The following INPP4B variants were observed in gnomAD, a reference collection of about 807,000 sequenced individuals.
INPP4B encodes inositol polyphosphate-4-phosphatase type II B.
INPP4B carries 55 observed loss-of-function variants against 122.5 expected under a neutral mutation model. The observed-to-expected ratio is 0.45, with a 90% CI of 0.36 to 0.56. The LOEUF (loss-of-function observed/expected upper bound fraction) is 0.56. INPP4B is among the 20% of genes least tolerant of loss of function. The probability of loss-of-function intolerance (pLI) is 0.00; values close to 1 mark genes in which losing one functional copy is unlikely to be tolerated. For missense variants in INPP4B, 1,000 were observed against 1,097.7 expected (o/e 0.91, Z 1.26); for synonymous variants, 403 against 388.7 (o/e 1.04, Z -0.43).
In INPP4B at chr4:142,126,040, C is replaced by T. The variant is rs551341326; in HGVS notation, c.1721-1280G>A. 3.3e-5 allele frequency among the ~76,000 whole-genome samples: 5 copies of T among 152,220 alleles called. No homozygotes were observed. In the South Asian group the frequency reaches 1.0e-3, roughly 32 times the overall value. On this transcript the variant is annotated intron_variant, in intron 18 of 25. Transcript: ENST00000262992. ...GCTATTTGTATGTCTAGATTTCTAA[C>T]AGGCATCAATTATATAATTATGACT...
At chr4:142,680,913 C>T (rs1224774356) in intron 2 of INPP4B, among the ~76,000 whole-genome samples, 1 of 151,812 alleles carries the variant, frequency 6.6e-6, no homozygotes, top group African/African-American at 2.4e-5. Flanking sequence ...CTCAAACATC[C>T]ATGACACAAA....
intron 17 of INPP4B, among the ~76,000 whole-genome samples, chr4:142,155,340 T>C (rs560605216): frequency 6.6e-6 from 1 of 152,256 alleles, no homozygotes; most frequent in South Asian, 2.1e-4. Flanking sequence ...ATGGTCTCAA[T>C]GTTTTTCTGT....
chr4:142,089,571 C>T (rs1778520551), intron 23 of INPP4B, among the ~76,000 whole-genome samples: 1 of 151,448 alleles, frequency 6.6e-6, no homozygotes, highest in Non-Finnish European at 1.5e-5. Flanking sequence ...GGATATGTAT[C>T]ATACATCATC....
chr4:142,450,669 A>G (rs994032737), intron 3 of INPP4B, among the ~76,000 whole-genome samples: 1 of 152,206 alleles, frequency 6.6e-6, no homozygotes, highest in Non-Finnish European at 1.5e-5. Context: ...GCATTAAATT[A>G]ATCCTTATAA....
chr4:142,494,168 A>T, intron 2 of INPP4B, among the ~76,000 whole-genome samples: 1 of 152,146 alleles, frequency 6.6e-6, no homozygotes. Flanking sequence ...ACTGTGAGTC[A>T]ATTAAACTTC....
intron 1 of INPP4B, among the ~76,000 whole-genome samples, chr4:142,755,191 G>A (rs1770336000): frequency 6.6e-6 from 1 of 151,920 alleles, no homozygotes; most frequent in African/African-American, 2.4e-5. Flanking sequence ...AATAGTTACT[G>A]ACTTTCATTC....
intron 9 of INPP4B, among the ~76,000 whole-genome samples, chr4:142,290,572 T>G (rs1045519000): frequency 1.3e-5 from 2 of 152,202 alleles, no homozygotes; most frequent in African/African-American, 4.8e-5. Flanking sequence ...GACTTTTTAC[T>G]GTTCCTCGAA....
intron 12 of INPP4B, among the ~76,000 whole-genome samples, chr4:142,216,487 G>A (rs1847320289): frequency 6.6e-6 from 1 of 152,102 alleles, no homozygotes; most frequent in African/African-American, 2.4e-5. Flanking sequence ...GTCTATTCAG[G>A]AAACATCTAG....
intron 7 of INPP4B, among the ~76,000 whole-genome samples, chr4:142,331,185 A>C (rs536998074): frequency 6.6e-6 from 1 of 152,352 alleles, no homozygotes; most frequent in African/African-American, 2.4e-5. Flanking sequence ...TTAAAGGACA[A>C]GGATGGAGGA....
At chr4:142,667,687 T>C (rs888434769) in intron 2 of INPP4B, among the ~76,000 whole-genome samples, 4 of 152,072 alleles carry the variant, frequency 2.6e-5, no homozygotes, top group East Asian at 1.9e-4. Context: ...GAGTAGTACA[T>C]TGGAGGATAG....
intron 15 of INPP4B, among the ~76,000 whole-genome samples, chr4:142,186,592 G>A (rs1304858209): frequency 6.6e-6 from 1 of 152,200 alleles, no homozygotes; most frequent in African/African-American, 2.4e-5. Flanking sequence ...AAATCTTGCT[G>A]CAAAATAGAT....
intron 25 of INPP4B, among the ~76,000 whole-genome samples, chr4:142,075,465 C>G (rs956869581): frequency 6.6e-6 from 1 of 151,966 alleles, no homozygotes; most frequent in Non-Finnish European, 1.5e-5. Context: ...AGGGCTCTAG[C>G]AAGATTTCCA....
At chr4:142,033,152 C>T (rs1741461473) in intron 25 of INPP4B, among the ~76,000 whole-genome samples, 1 of 152,206 alleles carries the variant, frequency 6.6e-6, no homozygotes, top group Admixed American at 6.5e-5. Context: ...AGCACATGCC[C>T]TTCCTGTAAT....
At chr4:142,282,047 T>C (rs1256683667) in intron 9 of INPP4B, among the ~76,000 whole-genome samples, 1 of 152,080 alleles carries the variant, frequency 6.6e-6, no homozygotes, top group Non-Finnish European at 1.5e-5. Context: ...TATATTCTAG[T>C]GATAAACAAA....
intron 1 of INPP4B, among the ~76,000 whole-genome samples, chr4:142,790,343 A>G (rs895462221): frequency 6.6e-6 from 1 of 152,190 alleles, no homozygotes; most frequent in Admixed American, 6.6e-5. Flanking sequence ...TCCAAAATCT[A>G]CAATGAACTC....
Position 142,765,673 on chromosome 4 carries a change from T to C in INPP4B, c.-253-39772A>G, listed in dbSNP as rs556706259. On this transcript the variant is annotated intron_variant, in intron 1 of 25. Coordinates refer to ENST00000262992, the MANE Select transcript of INPP4B (RefSeq NM_001101669.3). ...TTCACTGTTAACTTATTACTGTCACTTCTAAGGGAGATATCGGTTAAACCA... is the reference window on the plus strand; with the variant it reads ...TTCACTGTTAACTTATTACTGTCACCTCTAAGGGAGATATCGGTTAAACCA... Among the ~76,000 whole-genome samples, 8 of 152,304 alleles carry C rather than the reference T, an allele frequency of 5.3e-5. 1 individual carries two copies. Among genetic ancestry groups the C allele is most frequent in the African/African-American group, 1.9e-4 (8 of 41,578 alleles).
intron 3 of INPP4B, among the ~76,000 whole-genome samples, chr4:142,432,513 A>G (rs1319297468): frequency 6.6e-6 from 1 of 152,130 alleles, no homozygotes; most frequent in Non-Finnish European, 1.5e-5. Context: ...CTATTGCACC[A>G]TCAATTAGAC....
chr4:142,590,809 T>C (rs1408737528), intron 2 of INPP4B, among the ~76,000 whole-genome samples: 5 of 148,592 alleles, frequency 3.4e-5, no homozygotes, highest in Non-Finnish European at 5.9e-5. Flanking sequence ...AAACAGGGTC[T>C]AGTTGCAATG....
intron 7 of INPP4B, among the ~76,000 whole-genome samples, chr4:142,361,200 TAC>T (rs1188309980): frequency 6.6e-6 from 1 of 152,000 alleles, no homozygotes; most frequent in Non-Finnish European, 1.5e-5. Flanking sequence ...CATTTAGAAG[TAC>T]AAATAGGTTT....
Sources: gnomAD v4.1 joint callset for allele counts (sites outside exome capture counted in the v4.1 genomes callset) on GRCh38, gnomAD v4.1.1 for gene constraint, MANE v1.5 for transcripts, NCBI Gene and HGNC (gene_info 2026-07-23, HGNC 2026-07-21) for gene names.